The following NAV2 variants were observed in gnomAD, a reference collection of about 807,000 sequenced individuals.
NAV2 encodes neuron navigator 2, also known as helicase, APC down-regulated 1.
Under a neutral mutation model 223.2 loss-of-function variants are expected in NAV2, and 54 were observed. The ratio of observed to expected loss-of-function variants is 0.24; its 90% confidence interval spans 0.19 to 0.30. NAV2 has a LOEUF of 0.30. NAV2 is among the 10% of genes least tolerant of loss of function. The pLI is 1.00. For missense variants in NAV2, 2,806 were observed against 3,147.5 expected, an observed-to-expected ratio of 0.89 and a Z score of 2.60; for synonymous variants, 1,279 against 1,239.3, an observed-to-expected ratio of 1.03 and a Z score of -0.67.
intron 6 of NAV2, among the ~76,000 whole-genome samples, chr11:19,915,360 C>T (rs1411124215): frequency 6.6e-6 from 1 of 152,184 alleles, no homozygotes; most frequent in African/African-American, 2.4e-5. Flanking sequence ...AAATTTGGAA[C>T]ACCGAATCAC....
At chr11:19,528,400 A>G (rs2043911271) in intron 1 of NAV2, among the ~76,000 whole-genome samples, 1 of 152,098 alleles carries the variant, frequency 6.6e-6, no homozygotes, top group African/African-American at 2.4e-5. Flanking sequence ...ACAGTGCGCC[A>G]TGTCTCTTAT....
intron 6 of NAV2, among the ~76,000 whole-genome samples, chr11:19,922,339 G>A (rs934250090): frequency 2.6e-5 from 4 of 151,916 alleles, no homozygotes; most frequent in Non-Finnish European, 4.4e-5. Context: ...TTCTTCTACC[G>A]TTGCCTTTTC....
chr11:20,056,558 C>T, intron 19 of NAV2: 1 of 1,613,830 alleles, frequency 6.2e-7, no homozygotes, highest in African/African-American at 1.3e-5. Context: ...CTGTGGACAA[C>T]TTTGTCAGCC....
rs1347132795 is a variant in NAV2, at chr11:19,934,143, C to T, written c.1899C>T (p.Ile633=). ...GPGGTTLNHS[I]SSQTVSGSVG... ...GAGGGACCACCCTGAACCACAGCATCAGCAGCCAGACTGTCAGTGGGTCTG... is the reference window on the plus strand; with the variant it reads ...GAGGGACCACCCTGAACCACAGCATTAGCAGCCAGACTGTCAGTGGGTCTG... Residue 633 remains isoleucine (I), a synonymous_variant, in exon 7 of 38, where the codon ATC becomes ATT. Transcript: ENST00000349880. The T allele has an allele frequency of 1.2e-6, 2 of 1,614,030 alleles. No individual in the cohort carries two copies. The highest frequency in any genetic ancestry group is 1.7e-6 in the Non-Finnish European group (2 of 1,180,056).
chr11:19,694,335 A>G (rs1426036818), intron 1 of NAV2, among the ~76,000 whole-genome samples: 2 of 152,234 alleles, frequency 1.3e-5, no homozygotes, highest in African/African-American at 2.4e-5. Context: ...CAGGGAGTCA[A>G]CCCTCAGACA....
At chr11:19,558,686 A>C (rs7113653) in intron 1 of NAV2, among the ~76,000 whole-genome samples, 60,842 of 152,052 alleles carry the variant, frequency 0.4, 15,913 homozygotes, top group African/African-American at 0.75. Context: ...GAATGACCTG[A>C]ACCTGGCAAC....
intron 22 of NAV2, among the ~76,000 whole-genome samples, chr11:20,068,767 G>A (rs998708798): frequency 6.6e-6 from 1 of 152,294 alleles, no homozygotes; most frequent in East Asian, 1.9e-4. Context: ...AAAGAAGGGG[G>A]AAGAAAAGAA....
rs539715609 is a variant in NAV2 at position 19,940,062 on chromosome 11, G to T, written c.2146+289G>T. Among the ~76,000 whole-genome samples, 35 of 151,940 alleles carry T rather than the reference G, an allele frequency of 2.3e-4. No individual in the cohort carries two copies. In the South Asian group the frequency reaches 5.6e-3, roughly 24 times the overall value. Reference sequence around the variant, plus strand: ...TACGTTCAGTTTTATTCATTTAGGGGCTCTGGACTGCACTGATACTTAACT... The same window carrying T: ...TACGTTCAGTTTTATTCATTTAGGGTCTCTGGACTGCACTGATACTTAACT... On this transcript the variant is annotated intron_variant, in intron 8 of 37. Transcript: ENST00000349880.
intron 6 of NAV2, among the ~76,000 whole-genome samples, chr11:19,931,609 AGC>A (rs2045346762): frequency 9.7e-4 from 133 of 137,132 alleles, no homozygotes; most frequent in Non-Finnish European, 1.2e-3. Context: ...AAAAAAAAAA[AGC>A]AGAAGAAGCA....
intron 1 of NAV2, among the ~76,000 whole-genome samples, chr11:19,493,053 C>T (rs900063150): frequency 6.6e-6 from 1 of 152,096 alleles, no homozygotes; most frequent in Non-Finnish European, 1.5e-5. Context: ...TCGTCCAGGT[C>T]GATAATGTTG....
At chr11:20,108,344 G>A (rs1297198370) in intron 36 of NAV2, among the ~76,000 whole-genome samples, 1 of 152,174 alleles carries the variant, frequency 6.6e-6, no homozygotes, top group African/African-American at 2.4e-5. Flanking sequence ...TGAGGCTGGT[G>A]GCATTCTTTC....
At chr11:19,354,292 C>T (rs1272568242) in intron 1 of NAV2, among the ~76,000 whole-genome samples, 3 of 152,242 alleles carry the variant, frequency 2.0e-5, no homozygotes, top group African/African-American at 2.4e-5. Context: ...ATGTTCTATT[C>T]GTGCACTGTA....
intron 1 of NAV2, among the ~76,000 whole-genome samples, chr11:19,499,947 T>G (rs2042911355): frequency 6.6e-6 from 1 of 152,076 alleles, no homozygotes; most frequent in Non-Finnish European, 1.5e-5. Flanking sequence ...GTAAATTGAC[T>G]CTATCAGTGG....
At chr11:19,758,897 C>T (rs1227366710) in intron 1 of NAV2, among the ~76,000 whole-genome samples, 1 of 152,058 alleles carries the variant, frequency 6.6e-6, no homozygotes, top group Non-Finnish European at 1.5e-5. Context: ...CCACAACCCC[C>T]AGGAGGTCAT....
intron 1 of NAV2, among the ~76,000 whole-genome samples, chr11:19,630,600 G>A (rs1260980419): frequency 2.6e-5 from 4 of 152,152 alleles, no homozygotes; most frequent in Non-Finnish European, 5.9e-5. Context: ...TAATCAAAGG[G>A]TTTTGGCAGG....
At chr11:19,646,590 C>G (rs997309234) in intron 1 of NAV2, among the ~76,000 whole-genome samples, 1 of 152,112 alleles carries the variant, frequency 6.6e-6, no homozygotes, top group Non-Finnish European at 1.5e-5. Flanking sequence ...AGAAGAGTTA[C>G]AGTACAGGAT....
intron 3 of NAV2, among the ~76,000 whole-genome samples, chr11:19,856,308 C>T (rs1288754833): frequency 1.3e-5 from 2 of 152,178 alleles, no homozygotes; most frequent in African/African-American, 2.4e-5. Context: ...TGGCAGCAGG[C>T]AGTATGCAGA....
At chr11:19,791,459 A>G (rs1166470039) in intron 1 of NAV2, among the ~76,000 whole-genome samples, 2 of 152,162 alleles carry the variant, frequency 1.3e-5, no homozygotes, top group Non-Finnish European at 2.9e-5. Flanking sequence ...ACACGCTGGC[A>G]TGACAGGAAG....
At chr11:19,636,489 AT>A (rs5790080) in intron 1 of NAV2, among the ~76,000 whole-genome samples, 6,511 of 136,160 alleles carry the variant, frequency 0.048, 140 homozygotes, top group African/African-American at 0.081. Context: ...GTTCTGCAGT[AT>A]TTTTTTTTTT....
Sources: gnomAD v4.1 joint callset for allele counts (sites outside exome capture counted in the v4.1 genomes callset) on GRCh38, gnomAD v4.1.1 for gene constraint, MANE v1.5 for transcripts, NCBI Gene and HGNC (gene_info 2026-07-23, HGNC 2026-07-21) for gene names.